The following GOLGA1 variants were observed in gnomAD, a reference collection of about 807,000 sequenced individuals.
The protein encoded by GOLGA1 is golgin subfamily A member 1.
A neutral mutation model predicts 119.7 loss-of-function variants in GOLGA1; 63 were observed. The ratio of observed to expected loss-of-function variants is 0.53; its 90% CI spans 0.43 to 0.65. The LOEUF (loss-of-function observed/expected upper bound fraction) is 0.65. GOLGA1 is among the 30% of genes least tolerant of loss of function. The pLI, the probability that GOLGA1 is intolerant of heterozygous loss-of-function variation, is 0.00. For synonymous variants in GOLGA1, 318 were observed against 333.4 expected, an observed-to-expected ratio of 0.95 and a Z score of 0.50; for missense variants, 798 against 912.8, an observed-to-expected ratio of 0.87 and a Z score of 1.62.
chr9:124,935,093 T>C (rs1467566246), intron 3 of GOLGA1, among the ~76,000 whole-genome samples: 3 of 152,118 alleles, frequency 2.0e-5, no homozygotes, highest in African/African-American at 7.2e-5. Context: ...CCAGATAGAC[T>C]ACAAGTTTGT....
At chr9:124,913,850 T>G (rs1199194319) in intron 10 of GOLGA1, among the ~76,000 whole-genome samples, 1 of 152,186 alleles carries the variant, frequency 6.6e-6, no homozygotes, top group African/African-American at 2.4e-5. Context: ...TCAGGCCTCC[T>G]GAATGGGCAA....
At chr9:124,916,233 T>C (rs1388957342) in intron 10 of GOLGA1, among the ~76,000 whole-genome samples, 5 of 150,738 alleles carry the variant, frequency 3.3e-5, no homozygotes, top group Admixed American at 1.3e-4. Context: ...AATTGGGAAG[T>C]TGAAAGATAA....
intron 15 of GOLGA1, among the ~76,000 whole-genome samples, chr9:124,893,476 T>G (rs889659658): frequency 6.6e-6 from 1 of 152,170 alleles, no homozygotes; most frequent in Non-Finnish European, 1.5e-5. Context: ...ATTTTGTTTT[T>G]TCTAGTCACC....
At chr9:124,937,268 A>G (rs1489711734) in intron 3 of GOLGA1, among the ~76,000 whole-genome samples, 1 of 152,152 alleles carries the variant, frequency 6.6e-6, no homozygotes, top group Non-Finnish European at 1.5e-5. Flanking sequence ...CCTGGCCAAC[A>G]CAGTGAAACT....
At chr9:124,925,843 C>T (rs1353794209) in intron 7 of GOLGA1, among the ~76,000 whole-genome samples, 1 of 152,138 alleles carries the variant, frequency 6.6e-6, no homozygotes, top group East Asian at 1.9e-4. Context: ...AAATGTTTTT[C>T]CAATTGTAGA....
At chr9:124,904,501 TATTCA>T (rs1394636480) in intron 12 of GOLGA1, among the ~76,000 whole-genome samples, 2 of 152,200 alleles carry the variant, frequency 1.3e-5, no homozygotes, top group Non-Finnish European at 2.9e-5. Flanking sequence ...ATGAGATAAA[TATTCA>T]ATTCAAGAAA....
intron 10 of GOLGA1, among the ~76,000 whole-genome samples, chr9:124,920,286 A>G (rs1157076198): frequency 7.2e-6 from 1 of 139,364 alleles, no homozygotes; most frequent in African/African-American, 2.6e-5. Flanking sequence ...CAACTGGCTA[A>G]TTTTTTTTTT....
intron 19 of GOLGA1, among the ~76,000 whole-genome samples, chr9:124,887,038 G>A (rs1829739069): frequency 6.6e-6 from 1 of 152,176 alleles, no homozygotes; most frequent in Admixed American, 6.5e-5. Flanking sequence ...GTTGGGTTTA[G>A]CCCAAGTTTA....
intron 18 of GOLGA1, 96 bp downstream of exon 18, chr9:124,889,047 T>A: frequency 1.0e-6 from 1 of 954,162 alleles, no homozygotes; most frequent in East Asian, 2.5e-5. Flanking sequence ...GAGCGTCGTG[T>A]CCACCATGTG....
chr9:124,946,207 C>T lies in GOLGA1; in HGVS notation c.-156+1711G>A, dbSNP rs1350797279. 2 of 152,130 alleles carry T rather than the reference C, an allele frequency of 1.3e-5. No individual in the cohort carries two copies. Among genetic ancestry groups the T allele is most frequent in the East Asian group, 3.8e-4 (2 of 5,204 alleles). 9.4% of individuals were successfully genotyped at this position (152,130 alleles called of 1,614,324 possible). On this transcript the variant is annotated intron_variant, in intron 1 of 4. Transcript: ENST00000421514. The surrounding 1 kb of genome is among the most constrained non-coding windows in gnomAD (Gnocchi z 4.0). ...ATGATTTGGTTATTCAAACAACAAA[C>T]CATCAGATCCTATGGATGTTTTCAC...
chr9:124,929,177 C>A (rs1364882154), intron 5 of GOLGA1, 39 bp downstream of exon 5: 1 of 1,223,716 alleles, frequency 8.2e-7, no homozygotes, highest in Non-Finnish European at 1.2e-6. Flanking sequence ...AAAAACTAAA[C>A]CTTGAAAAGA....
chr9:124,920,090 A>AG (rs199794827), intron 10 of GOLGA1, among the ~76,000 whole-genome samples: 1,717 of 151,994 alleles, frequency 0.011, 88 homozygotes, highest in Admixed American at 0.083. Flanking sequence ...CCTCCCAAGT[A>AG]CTGGAATTAC....
intron 10 of GOLGA1, among the ~76,000 whole-genome samples, chr9:124,912,506 T>C (rs1157887129): frequency 1.3e-5 from 2 of 152,182 alleles, no homozygotes; most frequent in Non-Finnish European, 2.9e-5. Context: ...TCTCATACCT[T>C]GGCTTTAGAC....
chr9:124,892,788 C>A (rs1829884150), intron 15 of GOLGA1, among the ~76,000 whole-genome samples: 1 of 151,910 alleles, frequency 6.6e-6, no homozygotes, highest in Admixed American at 6.6e-5. Flanking sequence ...CAAAATTAGC[C>A]TAGTGTGGTG....
At chr9:124,899,622 C>T (rs1297821514) in intron 13 of GOLGA1, 144 bp from the exon 14 acceptor site, 2 of 778,616 alleles carry the variant, frequency 2.6e-6, no homozygotes, top group African/African-American at 3.5e-5. Context: ...TGAGGTCCCC[C>T]CTGCAGGCTC....
rs1170228498 is a variant in GOLGA1, at chr9:124,946,201, A to G, written c.-156+1717T>C. 1 of 152,220 alleles carries G rather than the reference A, an allele frequency of 6.6e-6. No individual in the cohort carries two copies. Among genetic ancestry groups the G allele is most frequent in the South Asian group, 2.1e-4 (1 of 4,834 alleles). The allele number at this position is 152,220 out of a possible 1,614,324, so 9.4% of individuals were successfully genotyped here. On this transcript the variant is annotated intron_variant, in intron 1 of 4. Coordinates refer to the GOLGA1 transcript ENST00000421514. The surrounding 1 kb of genome is among the most constrained non-coding windows in gnomAD (Gnocchi z 4.0). ...AAAACAATGATTTGGTTATTCAAAC[A>G]ACAAACCATCAGATCCTATGGATGT...
intron 10 of GOLGA1, among the ~76,000 whole-genome samples, chr9:124,914,562 T>G (rs1830404290): frequency 6.6e-6 from 1 of 151,930 alleles, no homozygotes; most frequent in African/African-American, 2.4e-5. Context: ...GAACATTACC[T>G]GATTTCAACT....
chr9:124,882,561 C>T lies in GOLGA1; in HGVS notation c.1914G>A (p.Lys638=). Residue 638 remains lysine (K), a synonymous_variant, in exon 20 of 23, where the codon AAG becomes AAA. Coordinates refer to ENST00000373555, the MANE Select transcript of GOLGA1 (RefSeq NM_002077.4). The part of the protein sequence containing the change: ...QQLLEKNKTI[K]QMQQRMLELR... ...GCTCCAGCATCCGCTGCTGCATCTG[C>T]TTTATGGTCTGCGACAAGCCCCACC... The T allele has an allele frequency of 6.2e-7, 1 of 1,612,270 alleles. No homozygotes were observed. The highest frequency in any genetic ancestry group is 2.2e-5 in the East Asian group (1 of 44,882).
intron 19 of GOLGA1, among the ~76,000 whole-genome samples, chr9:124,887,256 G>A (rs1476184956): frequency 6.6e-6 from 1 of 152,184 alleles, no homozygotes; most frequent in Non-Finnish European, 1.5e-5. Flanking sequence ...GAAACTGTGG[G>A]GTTGAGCAAT....
Sources: gnomAD v4.1 joint callset for allele counts (sites outside exome capture counted in the v4.1 genomes callset) on GRCh38, gnomAD v4.1.1 for gene constraint, Gnocchi (gnomAD v3.1) non-coding constraint, MANE v1.5 for transcripts, NCBI Gene and HGNC (gene_info 2026-07-23, HGNC 2026-07-21) for gene names.